The following RPTOR variants were observed in gnomAD, a reference collection of about 807,000 sequenced individuals.
The protein encoded by RPTOR is regulatory-associated protein of mTOR.
Under a neutral mutation model 169.9 loss-of-function variants are expected in RPTOR, and 21 were observed. That is an observed-to-expected ratio of 0.12 (90% CI 0.09 to 0.18). The LOEUF is 0.18. RPTOR is among the 10% of genes least tolerant of loss of function. RPTOR has a pLI of 1.00. For missense variants in RPTOR, 1,133 were observed against 1,855.9 expected (o/e 0.61, Z 7.16); for synonymous variants, 732 against 753.2 (o/e 0.97, Z 0.46).
At chr17:80,672,825 T>G (rs766633224) in intron 3 of RPTOR, among the ~76,000 whole-genome samples, 4 of 152,128 alleles carry the variant, frequency 2.6e-5, no homozygotes, top group Non-Finnish European at 5.9e-5. Context: ...ACATAAGGTC[T>G]AACAAGATCA....
intron 6 of RPTOR, among the ~76,000 whole-genome samples, chr17:80,759,354 G>A (rs2066712237): frequency 6.6e-6 from 1 of 152,142 alleles, no homozygotes; most frequent in South Asian, 2.1e-4. Context: ...TTAGGACATA[G>A]TCAGATTTTT....
At chr17:80,551,001 C>T (rs2084337415) in intron 1 of RPTOR, among the ~76,000 whole-genome samples, 1 of 152,160 alleles carries the variant, frequency 6.6e-6, no homozygotes, top group Non-Finnish European at 1.5e-5. Context: ...GATTCTCGTG[C>T]CTCAGTCTCC....
intron 18 of RPTOR, among the ~76,000 whole-genome samples, 196 bp downstream of exon 18, chr17:80,892,033 C>A (rs1230005853): frequency 6.6e-6 from 1 of 152,174 alleles, no homozygotes; most frequent in Non-Finnish European, 1.5e-5. Context: ...CACACTGACC[C>A]TCTTACATTT....
At chr17:80,856,468 T>C (rs898399706) in intron 12 of RPTOR, among the ~76,000 whole-genome samples, 23 of 152,222 alleles carry the variant, frequency 1.5e-4, no homozygotes, top group Admixed American at 3.3e-4. Context: ...TTAAGTATTT[T>C]CATCAGATAA....
Position 80,545,343 on chromosome 17 carries a change from C to G in RPTOR, c.-287C>G. The G allele has an allele frequency of 3.3e-6, 1 of 304,606 alleles. No individual in the cohort carries two copies. The highest frequency in any genetic ancestry group is 6.1e-6 in the Non-Finnish European group (1 of 164,540). 18.9% of individuals were successfully genotyped at this position (304,606 alleles called of 1,614,324 possible). A position where few individuals can be genotyped will look rare whatever the true frequency, so the allele number is the denominator to read the frequency against. On this transcript the variant is annotated 5_prime_UTR_variant, in exon 1 of 34. Transcript: ENST00000306801. ...CCCTCGCAGCCCCTCTGGAAACGTA[C>G]AGCCTCAGGAGCAGCCAGTGGCTTG...
At chr17:80,777,897 A>G (rs2066906629) in intron 6 of RPTOR, among the ~76,000 whole-genome samples, 1 of 152,246 alleles carries the variant, frequency 6.6e-6, no homozygotes, top group African/African-American at 2.4e-5. Context: ...TTGGAACTGT[A>G]TAAAGAAAAG....
intron 12 of RPTOR, 89 bp from the exon 13 acceptor site, chr17:80,857,701 A>G (rs1598356989): frequency 1.3e-6 from 1 of 790,858 alleles, no homozygotes; most frequent in South Asian, 1.5e-5. Flanking sequence ...TGCTGAAGAT[A>G]GCACCGCAGC....
intron 21 of RPTOR, among the ~76,000 whole-genome samples, chr17:80,915,877 C>T (rs569372649): frequency 1.3e-5 from 2 of 152,066 alleles, no homozygotes; most frequent in Admixed American, 6.5e-5. Flanking sequence ...GAGCAGACGT[C>T]GGGAAAACCA....
In RPTOR at chr17:80,823,355, G is replaced by GTTTC; in HGVS notation, c.1136+132_1136+133insTTTC. On this transcript the variant is annotated intron_variant, in intron 9 of 33. Transcript: ENST00000306801. This position sits in a 1 kb window ranked among gnomAD's most constrained non-coding sequence, Gnocchi z 4.5. ...GGGACCCCGTGTAGCATTAACAAGT[G>GTTTC]AAGCTAAATGCAGGGCTCCCAGAGA... The GTTTC allele has an allele frequency of 2.1e-6, 2 of 971,330 alleles. No homozygotes were observed. Among genetic ancestry groups the GTTTC allele is most frequent in the Non-Finnish European group, 1.4e-6 (1 of 724,802 alleles). The allele number at this position is 971,330 out of a possible 1,614,324, so 60.2% of individuals were successfully genotyped here.
At chr17:80,954,661 C>G (rs1050795253) in intron 28 of RPTOR, among the ~76,000 whole-genome samples, 2 of 152,218 alleles carry the variant, frequency 1.3e-5, no homozygotes, top group Non-Finnish European at 2.9e-5. Flanking sequence ...CGTGGTGGCT[C>G]ACGCCTGTAA....
chr17:80,938,136 G>A (rs1489598254), intron 24 of RPTOR, among the ~76,000 whole-genome samples: 1 of 152,246 alleles, frequency 6.6e-6, no homozygotes, highest in Non-Finnish European at 1.5e-5. Context: ...CAAGTGTGGG[G>A]CCCCCTGAAA....
chr17:80,906,010 G>A (rs1315861219), intron 20 of RPTOR, among the ~76,000 whole-genome samples: 1 of 152,170 alleles, frequency 6.6e-6, no homozygotes, highest in African/African-American at 2.4e-5. Flanking sequence ...GGGAGCCCAG[G>A]ACCCCAGAAT....
chr17:80,959,993 G>T lies in RPTOR; in HGVS notation c.3478-85G>T. Reference sequence around the variant, plus strand: ...GGTGATCCCCACAGCCAGGCAGGCAGCAAGAGGGGTCCTGGCGCTGCAGGA... The same window carrying T: ...GGTGATCCCCACAGCCAGGCAGGCATCAAGAGGGGTCCTGGCGCTGCAGGA... On this transcript the variant is annotated intron_variant, in intron 29 of 33. Coordinates refer to ENST00000306801, the MANE Select transcript of RPTOR (RefSeq NM_020761.3). This position sits in a 1 kb window ranked among gnomAD's most constrained non-coding sequence, Gnocchi z 6.7. 1 of 1,543,716 alleles carries T rather than the reference G, an allele frequency of 6.5e-7. No homozygotes were observed. Among genetic ancestry groups the T allele is most frequent in the Non-Finnish European group, 8.9e-7 (1 of 1,129,308 alleles).
At chr17:80,680,933 C>T (rs1042194361) in intron 3 of RPTOR, among the ~76,000 whole-genome samples, 4 of 152,132 alleles carry the variant, frequency 2.6e-5, no homozygotes, top group African/African-American at 9.7e-5. Context: ...CCTTCGTGTT[C>T]AGCTGGCATT....
chr17:80,741,487 G>A (rs2066481440), intron 5 of RPTOR, among the ~76,000 whole-genome samples: 1 of 152,260 alleles, frequency 6.6e-6, no homozygotes, highest in African/African-American at 2.4e-5. Context: ...GGCAACACCA[G>A]TGTTTTGGCC....
intron 11 of RPTOR, among the ~76,000 whole-genome samples, chr17:80,849,827 G>A (rs538084019): frequency 3.3e-4 from 51 of 152,264 alleles, no homozygotes; most frequent in African/African-American, 1.2e-3. Flanking sequence ...CCTGAACACC[G>A]TCTTCTCACG....
intron 3 of RPTOR, among the ~76,000 whole-genome samples, chr17:80,700,784 A>G (rs62067888): frequency 0.92 from 17,988 of 19,466 alleles, 8,400 homozygotes; most frequent in East Asian, 0.96. Flanking sequence ...AGAGATGATG[A>G]TGGTGGTGGT....
At chr17:80,927,614 C>G (rs112645501) in intron 24 of RPTOR, among the ~76,000 whole-genome samples, 7 of 19,786 alleles carry the variant, frequency 3.5e-4, no homozygotes, top group South Asian at 2.7e-3. Context: ...GTGTGTCTGT[C>G]TGTCTGTCTG....
At chr17:80,880,392 C>G in intron 13 of RPTOR, 23 bp from the exon 14 acceptor site, 2 of 1,611,282 alleles carry the variant, frequency 1.2e-6, no homozygotes, top group Non-Finnish European at 1.7e-6. Context: ...CTCACTGCCT[C>G]TCCTCTGTCT....
Sources: allele counts gnomAD v4.1 joint callset (sites outside exome capture counted in the v4.1 genomes callset), GRCh38; gene constraint gnomAD v4.1.1; non-coding constraint Gnocchi (gnomAD v3.1); transcripts MANE v1.5; gene names NCBI Gene and HGNC (gene_info 2026-07-23, HGNC 2026-07-21).